KCTD16: variants seen among roughly 807,000 people sequenced by gnomAD.
KCTD16 encodes potassium channel tetramerization domain containing 16.
Under a neutral mutation model 33.2 loss-of-function variants are expected in KCTD16, and 13 were observed. That is an observed-to-expected ratio of 0.39 (90% CI 0.25 to 0.62). The LOEUF is 0.62. Among genes scored for constraint, KCTD16 ranks in the 20% least tolerant of loss-of-function variants. The pLI is 0.50. For synonymous variants in KCTD16, 197 were observed against 195.3 expected (o/e 1.01, Z -0.07); for missense variants, 441 against 525.1 (o/e 0.84, Z 1.57).
chr5:144,207,334 A>G lies in KCTD16; in HGVS notation c.620A>G (p.Glu207Gly), dbSNP rs1753215983. 1 of 1,614,196 alleles carries G rather than the reference A, an allele frequency of 6.2e-7. No homozygotes were observed. Among genetic ancestry groups the G allele is most frequent in the Non-Finnish European group, 8.5e-7 (1 of 1,180,050 alleles). ...TCCTTGGCAAAAGAAGTCTTTGGAG[A>G]AACTTTGAATGAAAGCAGAGACCCT... ...RISLAKEVFG[E>G]TLNESRDPDR... Residue 207 changes from glutamate to glycine, a missense_variant, in exon 3 of 4, where the codon GAA (glutamate) becomes GGA (glycine). Coordinates refer to ENST00000512467, the MANE Select transcript of KCTD16 (RefSeq NM_020768.4).
intron 2 of KCTD16, among the ~76,000 whole-genome samples, chr5:144,179,355 T>TC (rs1752571298): frequency 1.3e-5 from 2 of 151,730 alleles, no homozygotes; most frequent in South Asian, 2.1e-4. Flanking sequence ...TACATCCCCC[T>TC]CCCCCCATGG....
At chr5:144,202,881 G>C (rs1362082427) in intron 2 of KCTD16, among the ~76,000 whole-genome samples, 2 of 152,128 alleles carry the variant, frequency 1.3e-5, no homozygotes, top group Non-Finnish European at 2.9e-5. Context: ...GTGTGTCTCT[G>C]TGAATGTATG....
intron 3 of KCTD16, among the ~76,000 whole-genome samples, chr5:144,400,700 G>A (rs1752684247): frequency 6.6e-6 from 1 of 152,040 alleles, no homozygotes. Flanking sequence ...CTGATAGGAG[G>A]CAAGCAATAC....
intron 3 of KCTD16, among the ~76,000 whole-genome samples, chr5:144,339,224 T>C (rs1019249458): frequency 6.6e-6 from 1 of 152,226 alleles, no homozygotes; most frequent in African/African-American, 2.4e-5. Context: ...AATTTTATTC[T>C]CATTTTACAA....
chr5:144,395,680 C>G (rs981344482), intron 3 of KCTD16, among the ~76,000 whole-genome samples: 2 of 152,176 alleles, frequency 1.3e-5, no homozygotes, highest in African/African-American at 4.8e-5. Context: ...CTATTGTCCT[C>G]CCAGGTAGTC....
rs1385525296 is a variant in KCTD16 at position 144,484,645 on chromosome 5, G to T, written c.*10531G>T. ...CATCTGTTTCTGATGCTGTGAATGTGATGTCACCACAAATAGAGGATTCTG... is the reference window on the plus strand; with the variant it reads ...CATCTGTTTCTGATGCTGTGAATGTTATGTCACCACAAATAGAGGATTCTG... On this transcript the variant is annotated 3_prime_UTR_variant, in exon 4 of 4. Transcript: ENST00000512467. 6.6e-6 allele frequency: 1 copy of T among 151,968 alleles called. No individual in the cohort carries two copies. The highest frequency in any genetic ancestry group is 1.5e-5 in the Non-Finnish European group (1 of 67,928). The allele number at this position is 151,968 out of a possible 1,614,324, so 9.4% of individuals were successfully genotyped here.
rs190084969 is a variant in KCTD16 at position 144,316,572 on chromosome 5, G to A, written c.832+109026G>A. Among the ~76,000 whole-genome samples the A allele has an allele frequency of 1.1e-3, 159 of 147,380 alleles. 1 individual carries two copies. The highest frequency in any genetic ancestry group is 3.0e-3 in the African/African-American group (121 of 39,826). On this transcript the variant is annotated intron_variant, in intron 3 of 3. Transcript: ENST00000512467. ...ATTGCCTAGGGTGGAGTGCAGTGGC[G>A]CGATCTCTCCACTCACTGCAACCTC... is the stretch of plus-strand genomic sequence containing the variant.
intron 3 of KCTD16, among the ~76,000 whole-genome samples, chr5:144,321,050 T>A (rs1752060329): frequency 6.6e-6 from 1 of 152,122 alleles, no homozygotes; most frequent in Non-Finnish European, 1.5e-5. Context: ...AGATGGGTTT[T>A]CACTATGTTG....
chr5:144,244,397 A>G (rs1754490892), intron 3 of KCTD16, among the ~76,000 whole-genome samples: 1 of 152,220 alleles, frequency 6.6e-6, no homozygotes, highest in African/African-American at 2.4e-5. Context: ...ATTGCATTGT[A>G]TAGATAAATA....
intron 3 of KCTD16, among the ~76,000 whole-genome samples, chr5:144,288,991 G>A (rs555736594): frequency 2.0e-5 from 3 of 152,206 alleles, no homozygotes; most frequent in African/African-American, 7.2e-5. Context: ...TCTAGCCTGG[G>A]CAACAATAGT....
chr5:144,331,945 CA>C (rs1485732532), intron 3 of KCTD16, among the ~76,000 whole-genome samples: 1 of 152,136 alleles, frequency 6.6e-6, no homozygotes, highest in African/African-American at 2.4e-5. Flanking sequence ...TCAGAGCATT[CA>C]TAATTGTGAC....
chr5:144,432,378 T>A (rs1162973415), intron 3 of KCTD16, among the ~76,000 whole-genome samples: 2 of 152,254 alleles, frequency 1.3e-5, no homozygotes, highest in South Asian at 2.1e-4. Flanking sequence ...ATTTTATAGA[T>A]GAAGAAACAG....
At chr5:144,233,682 G>A (rs1754169674) in intron 3 of KCTD16, among the ~76,000 whole-genome samples, 1 of 152,142 alleles carries the variant, frequency 6.6e-6, no homozygotes, top group African/African-American at 2.4e-5. Context: ...CATTGTTAGA[G>A]TTTGGTTTTT....
rs200549095 is a variant in KCTD16 at position 144,186,364 on chromosome 5, G to GAAAAA, written c.-327+11901_-327+11905dup. On this transcript the variant is annotated intron_variant, in intron 2 of 3. Transcript: ENST00000512467. ...ATCTCATTTTTTTTAAAAAAAAAAAGAAAAAAAAAAAAACTAATGGCTTAT... is the reference window on the plus strand; with the variant it reads ...ATCTCATTTTTTTTAAAAAAAAAAAGAAAAAAAAAAAAAAAAAACTAATGGCTTAT... 7.6e-3 allele frequency among the ~76,000 whole-genome samples: 1,077 copies of GAAAAA among 142,252 alleles called. 13 individuals are homozygous for GAAAAA. The highest frequency in any genetic ancestry group is 0.023 in the African/African-American group (874 of 38,554). The allele number at this position is 142,252 out of a possible 152,430, so 93.3% of individuals were successfully genotyped here.
intron 3 of KCTD16, chr5:144,384,061 A>G (rs1752273074): frequency 6.6e-6 from 1 of 152,130 alleles, no homozygotes; most frequent in Non-Finnish European, 1.5e-5. Context: ...AATAAATAGC[A>G]GTTTTTTTCC....
chr5:144,387,412 T>C (rs1019362177), intron 3 of KCTD16, among the ~76,000 whole-genome samples: 58 of 152,206 alleles, frequency 3.8e-4, no homozygotes, highest in African/African-American at 1.4e-3. Flanking sequence ...ACATATTTAA[T>C]AGTGAAGTCA....
intron 3 of KCTD16, among the ~76,000 whole-genome samples, chr5:144,392,741 T>C (rs921494202): frequency 6.6e-6 from 1 of 152,204 alleles, no homozygotes; most frequent in Non-Finnish European, 1.5e-5. Context: ...AAATAACTTG[T>C]ATTACTTCTG....
chr5:144,285,655 A>G (rs1755724460), intron 3 of KCTD16, among the ~76,000 whole-genome samples: 1 of 152,134 alleles, frequency 6.6e-6, no homozygotes, highest in Non-Finnish European at 1.5e-5. Context: ...GTGCCATTTC[A>G]CCCTACAAAT....
chr5:144,406,641 C>T (rs997079148), intron 3 of KCTD16, among the ~76,000 whole-genome samples: 2 of 152,132 alleles, frequency 1.3e-5, no homozygotes, highest in African/African-American at 4.8e-5. Flanking sequence ...GTGAAAATAA[C>T]GAAGTTGGCA....
Sources: gnomAD v4.1 joint callset for allele counts (sites outside exome capture counted in the v4.1 genomes callset) on GRCh38, gnomAD v4.1.1 for gene constraint, MANE v1.5 for transcripts, NCBI Gene and HGNC (gene_info 2026-07-23, HGNC 2026-07-21) for gene names.